ADIPOR2: variants seen among roughly 807,000 people sequenced by gnomAD.
ADIPOR2 encodes adiponectin receptor protein 2.
A neutral mutation model predicts 40.9 loss-of-function variants in ADIPOR2; 18 were observed. That is an observed-to-expected ratio of 0.44 (90% CI 0.30 to 0.65). ADIPOR2 has a LOEUF of 0.65. Ranked by LOEUF, ADIPOR2 falls within the 30% of genes least tolerant of loss-of-function variation. The pLI is 0.09. For missense variants in ADIPOR2, 283 were observed against 479.2 expected (o/e 0.59, Z 3.82); for synonymous variants, 165 against 166.4 (o/e 0.99, Z 0.06).
chr12:1,775,221 G>A (rs891983176), intron 3 of ADIPOR2, among the ~76,000 whole-genome samples: 1 of 152,200 alleles, frequency 6.6e-6, no homozygotes. Flanking sequence ...TTGAAGGTAG[G>A]CAGTGTCTTT....
At chr12:1,736,401 T>C (rs182253694) in intron 1 of ADIPOR2, among the ~76,000 whole-genome samples, 237 of 152,374 alleles carry the variant, frequency 1.6e-3, no homozygotes, top group Non-Finnish European at 2.7e-3. Flanking sequence ...TATAGTATTC[T>C]CTGATGGTAC....
In ADIPOR2 at chr12:1,755,296, T is replaced by G. The variant is rs193241771; in HGVS notation, c.171+782T>G. The stretch of plus-strand genomic sequence containing the variant: ...AGTTTCACCATGTTGGCCAGGATGG[T>G]CTCCATCTCAACCTCCTTATCCACC... On this transcript the variant is annotated intron_variant, in intron 2 of 7. Transcript: ENST00000357103. Among the ~76,000 whole-genome samples the G allele has an allele frequency of 1.9e-3, 291 of 152,170 alleles. 2 individuals carry two copies. Among genetic ancestry groups the G allele is most frequent in the Non-Finnish European group, 3.5e-3 (236 of 67,992 alleles).
intron 2 of ADIPOR2, among the ~76,000 whole-genome samples, chr12:1,763,725 C>T (rs1862315785): frequency 1.3e-5 from 2 of 152,156 alleles, no homozygotes; most frequent in African/African-American, 4.8e-5. Context: ...TGCCTGTAAT[C>T]CTAACAACTT....
chr12:1,711,626 CTCTCTCTCTCTCTCTT>C (rs905047231), intron 1 of ADIPOR2, among the ~76,000 whole-genome samples: 16 of 141,158 alleles, frequency 1.1e-4, no homozygotes, highest in Middle Eastern at 3.6e-3. Context: ...CTCTCTCTCT[CTCTCTCTCTCTCTCTT>C]TCTCTCTTTC....
Position 1,778,712 on chromosome 12 carries a change from C to T in ADIPOR2, c.463+687C>T, listed in dbSNP as rs572391188. On this transcript the variant is annotated intron_variant, in intron 4 of 7. Coordinates refer to ENST00000357103, the MANE Select transcript of ADIPOR2 (RefSeq NM_024551.3). ...AATTGGACTTCATCAAAATTAAAAACGTTGGTATATCAAAGTGCATTATCA... is the reference window on the plus strand; with the variant it reads ...AATTGGACTTCATCAAAATTAAAAATGTTGGTATATCAAAGTGCATTATCA... 152 of 152,240 alleles carry T rather than the reference C, an allele frequency of 1.0e-3. 1 individual carries two copies. The highest frequency in any genetic ancestry group is 3.5e-3 in the African/African-American group (147 of 41,556). The allele number at this position is 152,240 out of a possible 1,614,324, so 9.4% of individuals were successfully genotyped here.
intron 1 of ADIPOR2, among the ~76,000 whole-genome samples, chr12:1,711,724 C>A (rs1319100714): frequency 6.6e-6 from 1 of 151,940 alleles, no homozygotes; most frequent in Non-Finnish European, 1.5e-5. Flanking sequence ...CTCTTCCTCT[C>A]TCTCTCTTTC....
intron 1 of ADIPOR2, among the ~76,000 whole-genome samples, chr12:1,716,406 G>A (rs2094687696): frequency 6.6e-6 from 1 of 152,188 alleles, no homozygotes; most frequent in African/African-American, 2.4e-5. Flanking sequence ...TTTGGCACAG[G>A]AGAGATTAGT....
intron 1 of ADIPOR2, among the ~76,000 whole-genome samples, chr12:1,743,252 C>CA: frequency 1.3e-5 from 1 of 74,922 alleles, no homozygotes; most frequent in African/African-American, 4.3e-5. Flanking sequence ...AAAAACAAAG[C>CA]AGTGAGCCAA....
chr12:1,775,489 A>T (rs1208081663), intron 3 of ADIPOR2, among the ~76,000 whole-genome samples: 1 of 152,236 alleles, frequency 6.6e-6, no homozygotes, highest in Admixed American at 6.5e-5. Context: ...AATTATATGC[A>T]TATATAACCA....
intron 1 of ADIPOR2, among the ~76,000 whole-genome samples, chr12:1,728,540 T>C (rs1026149677): frequency 6.7e-6 from 1 of 149,790 alleles, no homozygotes; most frequent in Non-Finnish European, 1.5e-5. Flanking sequence ...CTGGCCAATA[T>C]GGTGAAACCC....
intron 7 of ADIPOR2, among the ~76,000 whole-genome samples, chr12:1,784,375 T>C (rs973037433): frequency 6.6e-6 from 1 of 152,204 alleles, no homozygotes; most frequent in African/African-American, 2.4e-5. Context: ...AGACTAAGGC[T>C]TAGGGAGGTG....
chr12:1,755,887 TTA>T (rs1448303275), intron 2 of ADIPOR2, among the ~76,000 whole-genome samples: 2 of 152,156 alleles, frequency 1.3e-5, no homozygotes, highest in Admixed American at 1.3e-4. Context: ...TTAAATTGTT[TTA>T]GTTTTATATA....
chr12:1,754,521 C>A lies in ADIPOR2; in HGVS notation c.171+7C>A. 1 of 1,590,898 alleles carries A rather than the reference C, an allele frequency of 6.3e-7. No homozygotes were observed. Among genetic ancestry groups the A allele is most frequent in the Non-Finnish European group, 8.5e-7 (1 of 1,169,770 alleles). On this transcript the variant is annotated splice_region_variant and intron_variant, in intron 2 of 7. Coordinates refer to ENST00000357103, the MANE Select transcript of ADIPOR2 (RefSeq NM_024551.3). The stretch of plus-strand genomic sequence containing the variant: ...ATCTTCCCATCATAAAAAAGTAAGT[C>A]AAATTGGAAGAATGATAAACAAAGG...
At chr12:1,709,852 TTAAG>T (rs2094672605) in intron 1 of ADIPOR2, among the ~76,000 whole-genome samples, 1 of 152,228 alleles carries the variant, frequency 6.6e-6, no homozygotes, top group South Asian at 2.1e-4. Context: ...TGTTACTGGC[TTAAG>T]TATTTTTGTT....
rs746942193 is a variant in ADIPOR2 at position 1,772,908 on chromosome 12, C to G, written c.238C>G (p.Pro80Ala). The G allele has an allele frequency of 2.5e-6, 4 of 1,613,706 alleles. No individual in the cohort carries two copies. Among genetic ancestry groups the G allele is most frequent in the Non-Finnish European group, 2.5e-6 (3 of 1,179,762 alleles). The change falls in exon 3 of 8, where the codon CCT becomes GCT. Residue 80 changes from proline to alanine, a missense_variant. Transcript: ENST00000357103. Reference protein sequence around the residue: ...QEDEGFMGMSPLLQAHHAMEK... With the variant: ...QEDEGFMGMSALLQAHHAMEK... ...AGATGAGGGCTTTATGGGCATGTCC[C>G]CTCTCTTACAAGCCCATCATGCTAT...
chr12:1,759,774 G>A (rs938889914), intron 2 of ADIPOR2, among the ~76,000 whole-genome samples: 7 of 151,986 alleles, frequency 4.6e-5, no homozygotes, highest in African/African-American at 1.5e-4. Context: ...CACCTGTAAT[G>A]TCAGCACTTT....
intron 1 of ADIPOR2, among the ~76,000 whole-genome samples, chr12:1,746,905 T>G (rs945814858): frequency 2.0e-5 from 3 of 152,270 alleles, no homozygotes; most frequent in Middle Eastern, 3.4e-3. Flanking sequence ...ATTGCACCCC[T>G]GTTGTCCCAG....
At chr12:1,740,857 T>A (rs1272753676) in intron 1 of ADIPOR2, among the ~76,000 whole-genome samples, 2 of 151,720 alleles carry the variant, frequency 1.3e-5, no homozygotes, top group African/African-American at 2.4e-5. Context: ...TTTGAGAGAG[T>A]GATAAGGACT....
At position 1,783,957 on chromosome 12, in the gene ADIPOR2, G is replaced by T. The variant is rs750803822; in HGVS notation, c.916G>T (p.Ala306Ser). 1.9e-6 allele frequency: 3 copies of T among 1,613,282 alleles called. No individual in the cohort carries two copies. The East Asian group carries it at 6.7e-5, about 36-fold the overall frequency. Residue 306 changes from alanine to serine, a missense_variant, in exon 7 of 8, where the codon GCC (alanine) becomes TCC (serine). Ala to Ser is a moderately conservative substitution (Grantham distance 99). This residue lies in a region of ADIPOR2 where 106 missense variants were observed against 149.7 expected (regional missense o/e 0.71). Coordinates refer to ENST00000357103, the MANE Select transcript of ADIPOR2 (RefSeq NM_024551.3). ...CATCTCGGAGGGGTTCCTTAAGGCC[G>T]CCACCATAGGGCAGATAGGCTGGTT... ...YVISEGFLKAATIGQIGWLML... is the reference protein window; with the variant it reads ...YVISEGFLKASTIGQIGWLML...
Sources: gnomAD v4.1 joint callset for allele counts (sites outside exome capture counted in the v4.1 genomes callset) on GRCh38, gnomAD v4.1.1 for gene constraint, gnomAD v4.1.1 regional missense constraint, MANE v1.5 for transcripts, NCBI Gene and HGNC (gene_info 2026-07-23, HGNC 2026-07-21) for gene names.